KCNH1: variants seen among roughly 807,000 people sequenced by gnomAD.
KCNH1 encodes potassium voltage-gated channel subfamily H member 1.
In KCNH1, 27 loss-of-function variants were observed where a neutral mutation model predicts 69.2. That is an observed-to-expected ratio of 0.39 (90% CI 0.29 to 0.54). KCNH1 has a LOEUF of 0.54. Ranked by LOEUF, KCNH1 falls within the 20% of genes least tolerant of loss-of-function variation. The pLI, the probability that KCNH1 is intolerant of heterozygous loss-of-function variation, is 0.68. For synonymous variants in KCNH1, 456 were observed against 487.7 expected, an observed-to-expected ratio of 0.93 and a Z score of 0.86; for missense variants, 798 against 1,261.6, an observed-to-expected ratio of 0.63 and a Z score of 5.57.
chr1:210,811,602 A>G (rs546850577), intron 7 of KCNH1, among the ~76,000 whole-genome samples: 65 of 152,312 alleles, frequency 4.3e-4, no homozygotes, highest in Admixed American at 3.2e-3. Context: ...GTAATCAGAT[A>G]TAAACATGTG....
chr1:210,806,826 A>ATAT (rs1558477801), intron 7 of KCNH1, among the ~76,000 whole-genome samples: 11 of 48,224 alleles, frequency 2.3e-4, no homozygotes, highest in Non-Finnish European at 9.1e-5. Context: ...AAAAAAAAAA[A>ATAT]AAAAAAAAAA....
chr1:211,108,551 A>T (rs1691401826), intron 1 of KCNH1: 1 of 152,140 alleles, frequency 6.6e-6, no homozygotes, highest in Non-Finnish European at 1.5e-5. Context: ...TTTATTCTTG[A>T]TTTGGCAGGC....
At chr1:210,734,657 G>A (rs1682829731) in intron 10 of KCNH1, among the ~76,000 whole-genome samples, 1 of 151,790 alleles carries the variant, frequency 6.6e-6, no homozygotes, top group African/African-American at 2.4e-5. Flanking sequence ...CTTCTCTTCT[G>A]CCCCTCTGCA....
At chr1:211,118,243 T>C (rs1400664728) in intron 1 of KCNH1, among the ~76,000 whole-genome samples, 1 of 152,240 alleles carries the variant, frequency 6.6e-6, no homozygotes, top group Non-Finnish European at 1.5e-5. Flanking sequence ...CGTATGTGTA[T>C]ATATGTATCT....
intron 6 of KCNH1, among the ~76,000 whole-genome samples, chr1:210,970,148 G>A (rs1030722127): frequency 1.3e-5 from 2 of 151,578 alleles, no homozygotes; most frequent in African/African-American, 4.8e-5. Flanking sequence ...TGCAGAATGT[G>A]CAGGTTTGTC....
Position 210,953,308 on chromosome 1 carries a change from T to C in KCNH1, c.1033-33239A>G, listed in dbSNP as rs575879681. Among the ~76,000 whole-genome samples the C allele has an allele frequency of 3.3e-5, 5 of 152,300 alleles. No homozygotes were observed. In the South Asian group the frequency reaches 1.0e-3, roughly 32 times the overall value. On this transcript the variant is annotated intron_variant, in intron 6 of 10. Coordinates refer to ENST00000271751, the MANE Select transcript of KCNH1 (RefSeq NM_172362.3). Reference sequence around the variant, plus strand: ...AAATTCACACTTGGCCTCAACCTCCTCACCACTCAGGTTGAACCCAGGGCA... The same window carrying C: ...AAATTCACACTTGGCCTCAACCTCCCCACCACTCAGGTTGAACCCAGGGCA...
intron 10 of KCNH1, among the ~76,000 whole-genome samples, chr1:210,742,648 G>T (rs1683059177): frequency 6.6e-6 from 1 of 152,174 alleles, no homozygotes; most frequent in Admixed American, 6.5e-5. Flanking sequence ...AAAAGGCCCT[G>T]CTATGTCCCT....
chr1:210,903,321 C>G (rs1248926310), intron 7 of KCNH1, among the ~76,000 whole-genome samples: 2 of 152,126 alleles, frequency 1.3e-5, no homozygotes, highest in African/African-American at 4.8e-5. Context: ...TTTTATTTAT[C>G]TCAGCATCTA....
intron 6 of KCNH1, among the ~76,000 whole-genome samples, chr1:210,996,425 G>C (rs569653034): frequency 6.6e-6 from 1 of 152,200 alleles, no homozygotes; most frequent in Non-Finnish European, 1.5e-5. Context: ...AGGTGGCAGC[G>C]AGGCTGGGGG....
chr1:210,967,972 T>G (rs1252765741), intron 6 of KCNH1, among the ~76,000 whole-genome samples: 2 of 151,998 alleles, frequency 1.3e-5, no homozygotes, highest in Non-Finnish European at 2.9e-5. Context: ...ACCCACTAAC[T>G]CGTCATCTAG....
At chr1:210,784,140 C>T (rs61829496) in intron 9 of KCNH1, among the ~76,000 whole-genome samples, 21,362 of 152,204 alleles carry the variant, frequency 0.14, 1,541 homozygotes, top group Non-Finnish European at 0.16. Context: ...GTGCCCAGCA[C>T]CCATTCTGTG....
intron 7 of KCNH1, among the ~76,000 whole-genome samples, chr1:210,848,254 T>C (rs1311065752): frequency 6.6e-6 from 1 of 152,226 alleles, no homozygotes; most frequent in Non-Finnish European, 1.5e-5. Flanking sequence ...CCTGTCATTT[T>C]ACAATTTAGA....
chr1:211,051,666 T>C (rs1019761758), intron 5 of KCNH1, among the ~76,000 whole-genome samples: 2 of 152,148 alleles, frequency 1.3e-5, no homozygotes, highest in Non-Finnish European at 2.9e-5. Context: ...GAGAGGTGAG[T>C]TTGGTCTTGT....
intron 6 of KCNH1, among the ~76,000 whole-genome samples, chr1:210,931,701 C>T (rs1237573490): frequency 4.0e-5 from 6 of 151,010 alleles, no homozygotes; most frequent in Admixed American, 6.6e-5. Flanking sequence ...ATAAACTCAG[C>T]GAGATATAAA....
chr1:210,801,900 T>C (rs1025522162), intron 8 of KCNH1, among the ~76,000 whole-genome samples: 5 of 152,234 alleles, frequency 3.3e-5, no homozygotes, highest in Non-Finnish European at 7.3e-5. Flanking sequence ...CTCATCCTCC[T>C]TCTCTCTAGT....
intron 6 of KCNH1, among the ~76,000 whole-genome samples, chr1:210,933,764 C>A (rs1426144481): frequency 6.6e-6 from 1 of 152,122 alleles, no homozygotes; most frequent in African/African-American, 2.4e-5. Flanking sequence ...CAGGAACCAT[C>A]ACACTATCTG....
intron 6 of KCNH1, among the ~76,000 whole-genome samples, chr1:210,951,511 G>A (rs1487695173): frequency 6.6e-6 from 1 of 152,118 alleles, no homozygotes; most frequent in African/African-American, 2.4e-5. Context: ...GCAATCTGCT[G>A]GCAGTTTGTC....
intron 10 of KCNH1, among the ~76,000 whole-genome samples, chr1:210,714,288 T>C (rs569370956): frequency 3.3e-4 from 51 of 152,340 alleles, no homozygotes; most frequent in Admixed American, 6.5e-4. Context: ...AAGTAAAGTA[T>C]AGTTCACAGA....
At chr1:210,688,357 T>G (rs567200779) in intron 10 of KCNH1, among the ~76,000 whole-genome samples, 267 of 152,320 alleles carry the variant, frequency 1.8e-3, no homozygotes, top group Admixed American at 3.7e-3. Flanking sequence ...AATTTGAGAT[T>G]TGAGGACTCC....
Sources: allele counts gnomAD v4.1 joint callset (sites outside exome capture counted in the v4.1 genomes callset), GRCh38; gene constraint gnomAD v4.1.1; transcripts MANE v1.5; gene names NCBI Gene and HGNC (gene_info 2026-07-23, HGNC 2026-07-21).